The following DNAAF2 variants were observed in gnomAD, a reference collection of about 807,000 sequenced individuals.
DNAAF2 encodes protein kintoun.
A neutral mutation model predicts 48.8 loss-of-function variants in DNAAF2; 58 were observed. The ratio of observed to expected loss-of-function variants is 1.19; its 90% CI spans 0.96 to 1.48. DNAAF2 has a LOEUF of 1.48. Ranked by LOEUF, DNAAF2 falls within the 40% of genes most tolerant of loss-of-function variation. DNAAF2 has a pLI of 0.00. For synonymous variants in DNAAF2, 567 were observed against 481.2 expected, an observed-to-expected ratio of 1.18 and a Z score of -2.33; for missense variants, 1,241 against 1,116.1, an observed-to-expected ratio of 1.11 and a Z score of -1.59.
At chr14:49,630,694 C>CACACACACACACACACAT (rs1883130302) in intron 1 of DNAAF2, among the ~76,000 whole-genome samples, 1 of 146,740 alleles carries the variant, frequency 6.8e-6, no homozygotes. Flanking sequence ...CACACACACA[C>CACACACACACACACACAT]ACACACATAA....
rs1882973738 is a variant in DNAAF2, at chr14:49,625,392, T to G, written c.*150A>C. On this transcript the variant is annotated 3_prime_UTR_variant, in exon 3 of 3. Coordinates refer to ENST00000298292, the MANE Select transcript of DNAAF2 (RefSeq NM_018139.3). ...AAAAAATTATCTCCAATTTCCCCCA[T>G]GAGAATCAAAATTGCAATTTTTTAA... 4 of 471,156 alleles carry G rather than the reference T, an allele frequency of 8.5e-6. No individual in the cohort carries two copies. The highest frequency in any genetic ancestry group is 3.8e-5 in the East Asian group (1 of 26,538). 29.2% of individuals were successfully genotyped at this position (471,156 alleles called of 1,614,324 possible).
Position 49,634,506 on chromosome 14 carries a change from C to T in DNAAF2, c.644G>A (p.Gly215Glu), listed in dbSNP as rs762172711. The stretch of plus-strand genomic sequence containing the variant: ...GTCCGGGAGAGGACCCTTCGGCTCC[C>T]CGTCAGGCCTTGCGGGGATGACCCC... ...LPGVIPARPD[G>E]EPKGPLPDFP... is the part of the protein sequence containing the mutation. Residue 215 changes from glycine to glutamate, a missense_variant, in exon 1 of 3, where the codon GGG (glycine) becomes GAG (glutamate). By Grantham distance (98) the Gly-to-Glu change is moderately conservative. Transcript: ENST00000298292. 4 of 1,597,746 alleles carry T rather than the reference C, an allele frequency of 2.5e-6. No individual in the cohort carries two copies. The highest frequency in any genetic ancestry group is 3.4e-6 in the Non-Finnish European group (4 of 1,178,032).
chr14:49,628,157 T>G lies in DNAAF2; in HGVS notation c.1864-2A>C, dbSNP rs1236308666. 1 of 1,572,536 alleles carries G rather than the reference T, an allele frequency of 6.4e-7. No individual in the cohort carries two copies. The highest frequency in any genetic ancestry group is 8.6e-7 in the Non-Finnish European group (1 of 1,158,804). The stretch of plus-strand genomic sequence containing the variant: ...TTCTTCATTGACAAATAACCTTTCC[T>G]AAAATAAAAAGGGAAAAAATATTCT... On this transcript the variant is annotated splice_acceptor_variant, in intron 1 of 2. Coordinates refer to ENST00000298292, the MANE Select transcript of DNAAF2 (RefSeq NM_018139.3). LOFTEE classifies it high-confidence loss of function.
Position 49,625,743 on chromosome 14 carries a change from G to A in DNAAF2, c.2313C>T (p.Asn771=), listed in dbSNP as rs749855090. The A allele has an allele frequency of 1.9e-5, 30 of 1,612,776 alleles. No individual in the cohort carries two copies. The highest frequency in any genetic ancestry group is 5.0e-5 in the Admixed American group (3 of 59,822). The change falls in exon 3 of 3, where the codon AAC becomes AAT. Residue 771 remains asparagine (N), a synonymous_variant. Transcript: ENST00000298292. Reference sequence around the variant, plus strand: ...CTTTCTCTTCAGTTATTACTGACTCGTTTAAGTTATCTTTTTCCTCATTTG... The same window carrying A: ...CTTTCTCTTCAGTTATTACTGACTCATTTAAGTTATCTTTTTCCTCATTTG... ...TCSNEEKDNL[N]ESVITEEKET... is the part of the protein sequence containing the mutation.
rs184813918 is a variant in DNAAF2, at chr14:49,632,705, C to G, written c.1863+582G>C. 1.8e-4 allele frequency among the ~76,000 whole-genome samples: 27 copies of G among 152,186 alleles called. No individual in the cohort carries two copies. The South Asian group carries it at 3.7e-3, about 21-fold the overall frequency. ...AGAAGATCCACCCGCCTTGGCCCCCCCAAAGTGCTGGGATTACAAGCGTGA... is the reference window on the plus strand; with the variant it reads ...AGAAGATCCACCCGCCTTGGCCCCCGCAAAGTGCTGGGATTACAAGCGTGA... On this transcript the variant is annotated intron_variant, in intron 1 of 2. Coordinates refer to ENST00000298292, the MANE Select transcript of DNAAF2 (RefSeq NM_018139.3).
At chr14:49,630,713 C>CACACACACACACACACAAACTCTCT (rs1883134139) in intron 1 of DNAAF2, among the ~76,000 whole-genome samples, 1 of 36,742 alleles carries the variant, frequency 2.7e-5, no homozygotes, top group African/African-American at 1.0e-4. Context: ...AAACTCTCTA[C>CACACACACACACACACAAACTCTCT]ACACACACAC....
rs754637024 is a variant in DNAAF2 at position 49,634,103 on chromosome 14, C to A, written c.1047G>T (p.Val349=). ...CGGGCTCCCGGCGCGCGGCCGGCAG[C>A]ACCACTGGCAGCGTAACCACCAGCT... ...RRQLVVTLPV[V]LPAARREPAV... The change falls in exon 1 of 3, where the codon GTG becomes GTT. Residue 349 remains valine (V), a synonymous_variant. Transcript: ENST00000298292. The A allele has an allele frequency of 6.5e-7, 1 of 1,546,670 alleles. No homozygotes were observed. The highest frequency in any genetic ancestry group is 1.2e-5 in the South Asian group (1 of 84,214).
In DNAAF2 at chr14:49,634,433, G is replaced by T; in HGVS notation, c.717C>A (p.Pro239=). The T allele has an allele frequency of 3.2e-6, 5 of 1,561,260 alleles. No homozygotes were observed. Among genetic ancestry groups the T allele is most frequent in the Non-Finnish European group, 4.3e-6 (5 of 1,155,786 alleles). Residue 239 remains proline (P), a synonymous_variant, in exon 1 of 3, where the codon CCC becomes CCA. Transcript: ENST00000298292. ...GCTGCAAGGCCGCTTCCGGAGGGGA[G>T]GGCGCCCGGGGCCCGGGGGCTGCCG... ...QYPAAPGPRA[P]SPPEAALQPA...
chr14:49,633,624 G>C lies in DNAAF2; in HGVS notation c.1526C>G (p.Ala509Gly), dbSNP rs950478553. The change falls in exon 1 of 3, where the codon GCC (alanine) becomes GGC (glycine). Residue 509 changes from alanine to glycine, a missense_variant. By Grantham distance (60) the Ala-to-Gly change is moderately conservative. Coordinates refer to ENST00000298292, the MANE Select transcript of DNAAF2 (RefSeq NM_018139.3). ...GCTCTTGGTCCCGGGACCACCCATG[G>C]CGCAGGCTGAGCGCTGGCCGCCCGT... is the stretch of plus-strand genomic sequence containing the variant. ...EGTGGQRSAC[A>G]MGGPGTKSGE... The C allele has an allele frequency of 1.9e-6, 3 of 1,613,466 alleles. No homozygotes were observed.
intron 1 of DNAAF2, among the ~76,000 whole-genome samples, chr14:49,632,485 G>GC (rs1883188149): frequency 6.8e-6 from 1 of 147,678 alleles, no homozygotes; most frequent in South Asian, 2.1e-4. Context: ...CGCTCTTGTT[G>GC]CCCAGGCTGG....
At chr14:49,628,203 C>T in intron 1 of DNAAF2, 48 bp from the exon 2 acceptor site, 1 of 1,457,458 alleles carries the variant, frequency 6.9e-7, no homozygotes, top group East Asian at 2.4e-5. Flanking sequence ...TCCCACTTGA[C>T]AACAGTTGTA....
Position 49,634,100 on chromosome 14 carries a change from CAG to C in DNAAF2, c.1048_1049del (p.Leu350AlafsTer26). On this transcript the variant is annotated frameshift_variant, in exon 1 of 3. Coordinates refer to ENST00000298292, the MANE Select transcript of DNAAF2 (RefSeq NM_018139.3). LOFTEE classifies it high-confidence loss of function. ...RQLVVTLPVVLPAARREPAVA... is the reference protein window; with the variant it reads ...RQLVVTLPVVXPAARREPAVA... ...CAGCGGGCTCCCGGCGCGCGGCCGG[CAG>C]CACCACTGGCAGCGTAACCACCAGC... 6.5e-7 allele frequency: 1 copy of C among 1,545,326 alleles called. No individual in the cohort carries two copies. Among genetic ancestry groups the C allele is most frequent in the Non-Finnish European group, 8.7e-7 (1 of 1,145,616 alleles).
chr14:49,634,962 C>T lies in DNAAF2; in HGVS notation c.188G>A (p.Arg63His). 1.9e-6 allele frequency: 3 copies of T among 1,560,426 alleles called. No homozygotes were observed. The highest frequency in any genetic ancestry group is 2.6e-6 in the Non-Finnish European group (3 of 1,152,400). Residue 63 changes from arginine to histidine, a missense_variant, in exon 1 of 3, where the codon CGC becomes CAC. Arg to His is a conservative substitution (Grantham distance 29). Transcript: ENST00000298292. ...GTGCACGAACCGCACTTCCACCCCG[C>T]GCTCACGCTCTAGCGCGGTGATCTC... ...EAEITALERE[R>H]GVEVRFVHPE... is the part of the protein sequence containing the mutation.
At chr14:49,626,198 A>T in intron 2 of DNAAF2, 150 bp from the exon 3 acceptor site, 1 of 595,286 alleles carries the variant, frequency 1.7e-6, no homozygotes. Context: ...GTCAAAATTC[A>T]TCCTCCAGGC....
At chr14:49,633,259 A>G (rs1883211510) in intron 1 of DNAAF2, 28 bp downstream of exon 1, 5 of 1,603,824 alleles carry the variant, frequency 3.1e-6, no homozygotes, top group Non-Finnish European at 4.3e-6. Context: ...GATATTTCAA[A>G]TATGAGGACT....
rs1245065186 is a variant in DNAAF2, at chr14:49,634,946, C to T, written c.204G>A (p.Arg68=). The part of the protein sequence containing the change: ...ALERERGVEV[R]FVHPEPGHVL... ...CATGGCCGGGCTCCGGGTGCACGAA[C>T]CGCACTTCCACCCCGCGCTCACGCT... Residue 68 remains arginine (R), a synonymous_variant, in exon 1 of 3, where the codon CGG becomes CGA. Transcript: ENST00000298292. 4 of 1,557,260 alleles carry T rather than the reference C, an allele frequency of 2.6e-6. No individual in the cohort carries two copies. The highest frequency in any genetic ancestry group is 2.4e-5 in the South Asian group (2 of 84,794).
At chr14:49,627,987 C>T in intron 2 of DNAAF2, 25 bp downstream of exon 2, 1 of 1,549,590 alleles carries the variant, frequency 6.5e-7, no homozygotes, top group Non-Finnish European at 8.7e-7. Flanking sequence ...CATTACTCCT[C>T]TATAGAGCCC....
In DNAAF2 at chr14:49,634,413, A is replaced by G. The variant is rs1247174033; in HGVS notation, c.737T>C (p.Leu246Ser). 2 of 1,575,730 alleles carry G rather than the reference A, an allele frequency of 1.3e-6. No individual in the cohort carries two copies. Among genetic ancestry groups the G allele is most frequent in the Admixed American group, 1.8e-5 (1 of 55,132 alleles). The change falls in exon 1 of 3, where the codon TTG (leucine) becomes TCG (serine). Residue 246 changes from leucine to serine, a missense_variant. By Grantham distance (145) the Leu-to-Ser change is moderately radical. Coordinates refer to ENST00000298292, the MANE Select transcript of DNAAF2 (RefSeq NM_018139.3). ...GCGAGGCTCGGTGGGGGCGGGCTGC[A>G]AGGCCGCTTCCGGAGGGGAGGGCGC... ...PRAPSPPEAA[L>S]QPAPTEPRYS...
intron 2 of DNAAF2, 28 bp downstream of exon 2, chr14:49,627,984 C>T (rs1176217135): frequency 2.6e-6 from 4 of 1,536,394 alleles, no homozygotes; most frequent in Non-Finnish European, 2.6e-6. Context: ...CTTCATTACT[C>T]CTCTATAGAG....
Sources: allele counts gnomAD v4.1 joint callset (sites outside exome capture counted in the v4.1 genomes callset), GRCh38; gene constraint gnomAD v4.1.1; transcripts MANE v1.5; gene names NCBI Gene and HGNC (gene_info 2026-07-23, HGNC 2026-07-21).